The following NSMF variants were observed in gnomAD, a reference collection of about 807,000 sequenced individuals.
The protein encoded by NSMF is NMDA receptor synaptonuclear signaling and neuronal migration factor.
NSMF carries 31 observed loss-of-function variants against 71.0 expected under a neutral mutation model. That is an observed-to-expected ratio of 0.44 (90% CI 0.33 to 0.59). NSMF has a LOEUF of 0.59. Among genes scored for constraint, NSMF ranks in the 20% least tolerant of loss-of-function variants. The probability of loss-of-function intolerance (pLI) is 0.04; values close to 1 mark genes in which losing one functional copy is unlikely to be tolerated. For missense variants in NSMF, 673 were observed against 740.5 expected (o/e 0.91, Z 1.06); for synonymous variants, 345 against 287.1 (o/e 1.20, Z -2.04).
rs761958121 is a variant in NSMF at position 137,450,073 on chromosome 9, C to T, written c.1317-48G>A. 3.5e-5 allele frequency: 56 copies of T among 1,592,778 alleles called. No homozygotes were observed. The South Asian group carries it at 3.8e-4, about 11-fold the overall frequency. The stretch of plus-strand genomic sequence containing the variant: ...CCAGTGGCAGGGGACAGGCACCCCA[C>T]TCCACAGAGCGGACCGTGGAGGAGG... On this transcript the variant is annotated intron_variant, in intron 13 of 15. Coordinates refer to ENST00000371475, the MANE Select transcript of NSMF (RefSeq NM_001130969.3).
In NSMF at chr9:137,456,207, T is replaced by TG. The variant is rs375727289; in HGVS notation, c.704+203dup. Among the ~76,000 whole-genome samples the TG allele has an allele frequency of 0.061, 6,296 of 102,806 alleles. 280 individuals are homozygous for TG. Among genetic ancestry groups the TG allele is most frequent in the African/African-American group, 0.15 (4,334 of 28,640 alleles). 67.4% of individuals were successfully genotyped at this position (102,806 alleles called of 152,430 possible). ...GCCAGGTCCCCTGACTGTGTGTGTG[T>TG]GGGGGGGGGGGCTGGGCACCAGCCA... is the stretch of plus-strand genomic sequence containing the variant. On this transcript the variant is annotated intron_variant, in intron 4 of 15. Coordinates refer to ENST00000371475, the MANE Select transcript of NSMF (RefSeq NM_001130969.3).
chr9:137,458,569 A>G lies in NSMF; in HGVS notation c.72-20T>C. ...GCTGCTCTGAGGGTGGACAGAGGGC[A>G]CGGTCAGAGGCCACGGCACGACCCT... On this transcript the variant is annotated intron_variant, in intron 1 of 15. Transcript: ENST00000371475. 6.3e-7 allele frequency: 1 copy of G among 1,582,758 alleles called. No homozygotes were observed. The highest frequency in any genetic ancestry group is 8.6e-7 in the Non-Finnish European group (1 of 1,166,854).
At chr9:137,456,066 G>A (rs1029883841) in intron 4 of NSMF, among the ~76,000 whole-genome samples, 1 of 152,246 alleles carries the variant, frequency 6.6e-6, no homozygotes, top group Admixed American at 6.5e-5. Flanking sequence ...TGAAACAGAA[G>A]TAGGCTTCTA....
chr9:137,449,788 G>C, intron 14 of NSMF, 114 bp from the exon 15 acceptor site: 2 of 1,303,576 alleles, frequency 1.5e-6, no homozygotes, highest in South Asian at 1.2e-5. Context: ...ACCTGGCTGG[G>C]CTCAGGCATA....
chr9:137,452,271 C>T (rs530425636), intron 12 of NSMF, 94 bp downstream of exon 12: 5 of 1,247,650 alleles, frequency 4.0e-6, no homozygotes, highest in Non-Finnish European at 5.8e-6. Context: ...CAACCTCTTC[C>T]CCTTGGTCTC....
Position 137,453,827 on chromosome 9 carries a change from A to G in NSMF, c.833-7T>C. On this transcript the variant is annotated splice_region_variant and splice_polypyrimidine_tract_variant and intron_variant, in intron 7 of 15. Transcript: ENST00000371475. This position sits in a 1 kb window ranked among gnomAD's most constrained non-coding sequence, Gnocchi z 4.5. ...TCGCGCCGCTCAGCGAACGCTGCAGAGAGCAAAACCCGCATTAGCGAGCGG... is the reference window on the plus strand; with the variant it reads ...TCGCGCCGCTCAGCGAACGCTGCAGGGAGCAAAACCCGCATTAGCGAGCGG... 1.3e-6 allele frequency: 2 copies of G among 1,583,202 alleles called. No individual in the cohort carries two copies. The highest frequency in any genetic ancestry group is 1.7e-6 in the Non-Finnish European group (2 of 1,172,082).
At chr9:137,458,422 G>A in intron 2 of NSMF, 66 bp downstream of exon 2, 1 of 1,362,032 alleles carries the variant, frequency 7.3e-7, no homozygotes, top group African/African-American at 1.4e-5. Flanking sequence ...ACCCCCGGAG[G>A]CAGGGATCAG....
Position 137,453,629 on chromosome 9 carries a change from G to A in NSMF, c.922+102C>T. 1.2e-6 allele frequency: 1 copy of A among 843,278 alleles called. No individual in the cohort carries two copies. Among genetic ancestry groups the A allele is most frequent in the Non-Finnish European group, 1.8e-6 (1 of 552,528 alleles). 52.2% of individuals were successfully genotyped at this position (843,278 alleles called of 1,614,324 possible). A position where few individuals can be genotyped will look rare whatever the true frequency, so the allele number is the denominator to read the frequency against. ...AACAGGTAAACCAAGATTCAGGAGT[G>A]CAAAAGCGCAGCCCAGCGGCCCTGG... On this transcript the variant is annotated intron_variant, in intron 8 of 15. Coordinates refer to ENST00000371475, the MANE Select transcript of NSMF (RefSeq NM_001130969.3). The surrounding 1 kb of genome is among the most constrained non-coding windows in gnomAD (Gnocchi z 4.5).
chr9:137,449,689 G>A lies in NSMF; in HGVS notation c.1420-15C>T, dbSNP rs779095517. On this transcript the variant is annotated splice_polypyrimidine_tract_variant and intron_variant, in intron 14 of 15. Transcript: ENST00000371475. ...TTCTGGAACAGCTGGAGGAAGCGGG[G>A]TGCCATGAGTCCGAGGCAGAGAGAT... is the stretch of plus-strand genomic sequence containing the variant. The A allele has an allele frequency of 1.6e-5, 25 of 1,608,850 alleles. No individual in the cohort carries two copies. The highest frequency in any genetic ancestry group is 1.2e-4 in the South Asian group (11 of 90,660).
Position 137,456,467 on chromosome 9 carries a change from G to C in NSMF, c.648C>G (p.Thr216=). The part of the protein sequence containing the change: ...DRVSDDIPIR[T]WFPKENLFSF... Reference sequence around the variant, plus strand: ...TGAAAAGATTTTCCTTGGGGAACCAGGTACGAATAGGGATGTCGTCTAAGA... The same window carrying C: ...TGAAAAGATTTTCCTTGGGGAACCACGTACGAATAGGGATGTCGTCTAAGA... Residue 216 remains threonine (T), a synonymous_variant, in exon 4 of 16, where the codon ACC becomes ACG. Transcript: ENST00000371475. 2.5e-6 allele frequency: 4 copies of C among 1,612,742 alleles called. No individual in the cohort carries two copies. Among genetic ancestry groups the C allele is most frequent in the Non-Finnish European group, 3.4e-6 (4 of 1,179,210 alleles).
rs780775743 is a variant in NSMF, at chr9:137,452,352, C to T, written c.1236+13G>A. On this transcript the variant is annotated intron_variant, in intron 12 of 15. Transcript: ENST00000371475. Reference sequence around the variant, plus strand: ...ATTCTTCTCCTGGTCAGGAGACGAGCACTGAGCCCCACCTGGCAGAAAATC... The same window carrying T: ...ATTCTTCTCCTGGTCAGGAGACGAGTACTGAGCCCCACCTGGCAGAAAATC... 1 of 1,610,796 alleles carries T rather than the reference C, an allele frequency of 6.2e-7. No individual in the cohort carries two copies. The highest frequency in any genetic ancestry group is 8.5e-7 in the Non-Finnish European group (1 of 1,179,382).
rs370306723 is a variant in NSMF, at chr9:137,453,025, G to A, written c.1047+31C>T. On this transcript the variant is annotated intron_variant, in intron 9 of 15. Coordinates refer to ENST00000371475, the MANE Select transcript of NSMF (RefSeq NM_001130969.3). The surrounding 1 kb of genome is among the most constrained non-coding windows in gnomAD (Gnocchi z 4.5). ...GTTGGGGCGGAGTCCTGCTCGGGGT[G>A]TAGAGGAGCACTGCCCGGGCTGGGC... 31 of 1,611,154 alleles carry A rather than the reference G, an allele frequency of 1.9e-5. No individual in the cohort carries two copies. Among genetic ancestry groups the A allele is most frequent in the Middle Eastern group, 1.8e-4 (1 of 5,714 alleles).
In NSMF at chr9:137,450,243, G is replaced by A; in HGVS notation, c.1249C>T (p.His417Tyr). 6.2e-7 allele frequency: 1 copy of A among 1,613,168 alleles called. No homozygotes were observed. Among genetic ancestry groups the A allele is most frequent in the Non-Finnish European group, 8.5e-7 (1 of 1,179,618 alleles). The part of the protein sequence containing the change: ...MLIFCQGGPG[H>Y]LYLLKNKVAT... ...ACCTTGTTCTTGAGGAGATAGAGGTGTCCAGGACCTCCCTGTAAGAAGCTG... is the reference window on the plus strand; with the variant it reads ...ACCTTGTTCTTGAGGAGATAGAGGTATCCAGGACCTCCCTGTAAGAAGCTG... The change falls in exon 13 of 16, where the codon CAC becomes TAC. Residue 417 changes from histidine to tyrosine, a missense_variant. His to Tyr is a moderately conservative substitution (Grantham distance 83). This residue lies in a region of NSMF where 202 missense variants were observed against 280.8 expected (regional missense o/e 0.72). Coordinates refer to ENST00000371475, the MANE Select transcript of NSMF (RefSeq NM_001130969.3).
intron 5 of NSMF, 37 bp from the exon 6 acceptor site, chr9:137,455,344 G>C (rs376723055): frequency 6.2e-7 from 1 of 1,605,076 alleles, no homozygotes; most frequent in African/African-American, 1.3e-5. Flanking sequence ...GCCCTTGGCC[G>C]GAGGCAGGAG....
Position 137,450,228 on chromosome 9 carries a change from T to A in NSMF, c.1264A>T (p.Lys422Ter). 6.2e-7 allele frequency: 1 copy of A among 1,613,472 alleles called. No homozygotes were observed. Among genetic ancestry groups the A allele is most frequent in the Non-Finnish European group, 8.5e-7 (1 of 1,179,838 alleles). ...QGGPGHLYLLKNKVATFAKVE... is the reference protein window; with the variant it reads ...QGGPGHLYLL Reference sequence around the variant, plus strand: ...TTGGCAAAGGTGGCCACCTTGTTCTTGAGGAGATAGAGGTGTCCAGGACCT... The same window carrying A: ...TTGGCAAAGGTGGCCACCTTGTTCTAGAGGAGATAGAGGTGTCCAGGACCT... Residue 422 changes from lysine to a stop codon, truncating the protein, a stop_gained, in exon 13 of 16, where the codon AAG becomes TAG. Transcript: ENST00000371475. LOFTEE classifies it high-confidence loss of function.
intron 6 of NSMF, chr9:137,454,804 C>A (rs975914975): frequency 2.2e-6 from 3 of 1,351,524 alleles, no homozygotes; most frequent in Non-Finnish European, 2.9e-6. Flanking sequence ...TGCAGCAGAG[C>A]GGGGCTCCTG....
intron 4 of NSMF, 94 bp downstream of exon 4, chr9:137,456,317 C>A: frequency 9.4e-7 from 1 of 1,061,522 alleles, no homozygotes. Flanking sequence ...AGCAGCCCCC[C>A]TGGTAGGCCC....
intron 3 of NSMF, 53 bp downstream of exon 3, chr9:137,457,354 T>C: frequency 1.2e-6 from 2 of 1,611,610 alleles, no homozygotes; most frequent in Non-Finnish European, 1.7e-6. Context: ...TGTCAGACCC[T>C]GGCAGCGGCA....
At position 137,452,540 on chromosome 9, in the gene NSMF, A is replaced by G. The variant is rs753995521; in HGVS notation, c.1165+13T>C. 4 of 1,612,636 alleles carry G rather than the reference A, an allele frequency of 2.5e-6. No homozygotes were observed. Among genetic ancestry groups the G allele is most frequent in the African/African-American group, 2.7e-5 (2 of 75,040 alleles). On this transcript the variant is annotated intron_variant, in intron 11 of 15. Coordinates refer to ENST00000371475, the MANE Select transcript of NSMF (RefSeq NM_001130969.3). ...CCTGGAACCAGCAGAGAGAAGGCCA[A>G]TGAGGCACATACCAAGGATGTCCTC...
Sources: gnomAD v4.1 joint callset for allele counts (sites outside exome capture counted in the v4.1 genomes callset) on GRCh38, gnomAD v4.1.1 for gene constraint, gnomAD v4.1.1 regional missense constraint, Gnocchi (gnomAD v3.1) non-coding constraint, MANE v1.5 for transcripts, NCBI Gene and HGNC (gene_info 2026-07-23, HGNC 2026-07-21) for gene names.